Variants in PTPN14 observed in about 807,000 individuals in gnomAD.
PTPN14 encodes protein tyrosine phosphatase non-receptor type 14, also known as tyrosine-protein phosphatase non-receptor type 14.
Under a neutral mutation model 126.8 loss-of-function variants are expected in PTPN14, and 53 were observed. That is an observed-to-expected ratio of 0.42 (90% confidence interval 0.34 to 0.53). The LOEUF is 0.53. Among genes scored for constraint, PTPN14 ranks in the 20% least tolerant of loss-of-function variants. PTPN14 has a pLI of 0.08. For synonymous variants in PTPN14, 630 were observed against 599.3 expected (o/e 1.05, Z -0.75); for missense variants, 1,257 against 1,552.9 (o/e 0.81, Z 3.20).
intron 1 of PTPN14, among the ~76,000 whole-genome samples, chr1:214,501,439 G>C (rs1012441905): frequency 1.3e-5 from 2 of 151,898 alleles, no homozygotes; most frequent in African/African-American, 4.8e-5. Flanking sequence ...ACGGGGCTTC[G>C]TGATGTTGGG....
chr1:214,397,260 C>T (rs146796906), intron 8 of PTPN14, among the ~76,000 whole-genome samples: 95 of 152,256 alleles, frequency 6.2e-4, no homozygotes, highest in African/African-American at 2.2e-3. Context: ...GACACACATA[C>T]AAGAAAGCTG....
Position 214,542,146 on chromosome 1 carries a change from ATATAG to A in PTPN14, c.-155+9032_-155+9036del, listed in dbSNP as rs149726198. ...GTATGTATGTTATATGTACACACAC[ATATAG>A]TATGTATGTTATATGTACACACACA... On this transcript the variant is annotated intron_variant, in intron 1 of 18. Transcript: ENST00000366956. Among the ~76,000 whole-genome samples, 988 of 152,228 alleles carry A rather than the reference ATATAG, an allele frequency of 6.5e-3. 70 individuals carry two copies. The East Asian group carries it at 0.16, about 24-fold the overall frequency.
In PTPN14 at chr1:214,522,600, C is replaced by T. The variant is rs146876358; in HGVS notation, c.-155+28583G>A. On this transcript the variant is annotated intron_variant, in intron 1 of 18. Transcript: ENST00000366956. ...TGTCCTAATTATATTCAGTTTAAACCAGCGTAAAAAACAGTTAACATTCAT... is the reference window on the plus strand; with the variant it reads ...TGTCCTAATTATATTCAGTTTAAACTAGCGTAAAAAACAGTTAACATTCAT... Among the ~76,000 whole-genome samples the T allele has an allele frequency of 5.5e-3, 834 of 152,188 alleles. 23 individuals carry two copies. Among genetic ancestry groups the T allele is most frequent in the Admixed American group, 0.037 (566 of 15,280 alleles).
chr1:214,520,065 A>AAAAATATATATATATATATATAT, intron 1 of PTPN14, among the ~76,000 whole-genome samples: 1 of 71,140 alleles, frequency 1.4e-5, no homozygotes, highest in Non-Finnish European at 2.4e-5. Context: ...AAAAAAAAAA[A>AAAAATATATATATATATATATAT]ATATATATAT....
At chr1:214,366,427 C>G (rs1658083023) in intron 17 of PTPN14, among the ~76,000 whole-genome samples, 1 of 152,084 alleles carries the variant, frequency 6.6e-6, no homozygotes, top group Non-Finnish European at 1.5e-5. Context: ...ACGGTAGATG[C>G]CACTTTCAAA....
intron 16 of PTPN14, among the ~76,000 whole-genome samples, chr1:214,371,418 A>T (rs1395682894): frequency 6.6e-6 from 1 of 152,198 alleles, no homozygotes; most frequent in Non-Finnish European, 1.5e-5. Flanking sequence ...ACAGTTTTGC[A>T]GCTGAAACCC....
intron 3 of PTPN14, among the ~76,000 whole-genome samples, chr1:214,425,933 G>C (rs1386116970): frequency 6.8e-6 from 1 of 146,816 alleles, no homozygotes; most frequent in Non-Finnish European, 1.5e-5. Flanking sequence ...TAGGTGACTT[G>C]CCAAGTCTTC....
At chr1:214,428,868 T>C (rs575138241) in intron 3 of PTPN14, among the ~76,000 whole-genome samples, 5 of 152,352 alleles carry the variant, frequency 3.3e-5, no homozygotes, top group African/African-American at 1.2e-4. Flanking sequence ...AAATGGTCTT[T>C]GCAGTATAAC....
intron 18 of PTPN14, 70 bp from the exon 19 acceptor site, chr1:214,358,120 C>G: frequency 6.4e-7 from 1 of 1,559,612 alleles, no homozygotes; most frequent in South Asian, 1.2e-5. Flanking sequence ...CTCATTCCCT[C>G]ATTCAGGAAG....
intron 1 of PTPN14, among the ~76,000 whole-genome samples, chr1:214,523,783 C>T (rs978978948): frequency 1.3e-5 from 2 of 151,982 alleles, no homozygotes; most frequent in Non-Finnish European, 2.9e-5. Flanking sequence ...CCTTGAGTTC[C>T]TGTCACTGAA....
chr1:214,458,292 T>A (rs1660429927), intron 2 of PTPN14, among the ~76,000 whole-genome samples: 1 of 152,104 alleles, frequency 6.6e-6, no homozygotes, highest in Non-Finnish European at 1.5e-5. Context: ...CATGTGACCT[T>A]CCATCTTGGC....
At chr1:214,369,744 C>T in intron 16 of PTPN14, 53 bp from the exon 17 acceptor site, 1 of 1,485,284 alleles carries the variant, frequency 6.7e-7, no homozygotes, top group Non-Finnish European at 9.4e-7. Context: ...AGCTCTCATC[C>T]TTTTAATCCT....
chr1:214,443,345 C>T (rs1660075559), intron 3 of PTPN14, among the ~76,000 whole-genome samples: 1 of 152,100 alleles, frequency 6.6e-6, no homozygotes. Context: ...TTTACACCAC[C>T]TCCCCAATTC....
chr1:214,384,637 G>A lies in PTPN14; in HGVS notation c.1218C>T (p.Ala406=). Residue 406 remains alanine, a synonymous_variant, in exon 13 of 19, where the codon GCC becomes GCT. Coordinates refer to ENST00000366956, the MANE Select transcript of PTPN14 (RefSeq NM_005401.5). This position sits in a 1 kb window ranked among gnomAD's most constrained non-coding sequence, Gnocchi z 5.3. The stretch of plus-strand genomic sequence containing the variant: ...TACTGAGGTTGGAGGATACAGGGGA[G>A]GCCTGGATGAAACTTTGCGAGCAGT... ...SLNCSQSFIQ[A]SPVSSNLSIP... The A allele has an allele frequency of 6.2e-7, 1 of 1,614,186 alleles. No individual in the cohort carries two copies. The highest frequency in any genetic ancestry group is 1.3e-5 in the African/African-American group (1 of 75,032).
chr1:214,429,943 AG>A (rs1178858041), intron 3 of PTPN14, among the ~76,000 whole-genome samples: 8 of 152,248 alleles, frequency 5.3e-5, no homozygotes, highest in African/African-American at 1.9e-4. Flanking sequence ...TGACCTCATC[AG>A]ATTAAAATTC....
At chr1:214,533,743 G>A (rs564443199) in intron 1 of PTPN14, among the ~76,000 whole-genome samples, 57 of 151,726 alleles carry the variant, frequency 3.8e-4, no homozygotes, top group Admixed American at 8.5e-4. Flanking sequence ...AGACTGAGGC[G>A]GGAGAATGGC....
chr1:214,390,580 G>C (rs1362062195), intron 11 of PTPN14, among the ~76,000 whole-genome samples: 2 of 152,150 alleles, frequency 1.3e-5, no homozygotes, highest in Non-Finnish European at 2.9e-5. Context: ...TCATTTAGAA[G>C]GCATTTTCTC....
intron 1 of PTPN14, among the ~76,000 whole-genome samples, chr1:214,476,539 T>C (rs1374069186): frequency 6.6e-6 from 1 of 152,154 alleles, no homozygotes; most frequent in Non-Finnish European, 1.5e-5. Flanking sequence ...TTCTCTCCCA[T>C]GTCCAGGGTG....
rs759860110 is a variant in PTPN14, at chr1:214,402,920, G to A, written c.544C>T (p.Leu182=). Residue 182 remains leucine (L), a synonymous_variant, in exon 6 of 19, where the codon CTG becomes TTG. Coordinates refer to ENST00000366956, the MANE Select transcript of PTPN14 (RefSeq NM_005401.5). ...LALEEAVLEE[L]TQKVAQEHKA... is the part of the protein sequence containing the mutation. ...TGTTCTTGGGCTACCTTCTGGGTCA[G>A]CTCCTCCAGAACAGCCTCTTCCAGG... The A allele has an allele frequency of 1.2e-6, 2 of 1,613,970 alleles. No homozygotes were observed. Among genetic ancestry groups the A allele is most frequent in the African/African-American group, 1.3e-5 (1 of 74,984 alleles).
Sources: allele counts gnomAD v4.1 joint callset (sites outside exome capture counted in the v4.1 genomes callset), GRCh38; gene constraint gnomAD v4.1.1; non-coding constraint Gnocchi (gnomAD v3.1); transcripts MANE v1.5; gene names NCBI Gene and HGNC (gene_info 2026-07-23, HGNC 2026-07-21).